Variants in CDYL observed in about 807,000 individuals in gnomAD.
CDYL encodes chromodomain Y like, also known as chromodomain Y-like protein.
A neutral mutation model predicts 47.3 loss-of-function variants in CDYL; 8 were observed. That is an observed-to-expected ratio of 0.17 (90% CI 0.10 to 0.31). The LOEUF (loss-of-function observed/expected upper bound fraction) is 0.31. Among genes scored for constraint, CDYL ranks in the 10% least tolerant of loss-of-function variants. The probability of loss-of-function intolerance (pLI) is 1.00; values close to 1 mark genes in which losing one functional copy is unlikely to be tolerated. For synonymous variants in CDYL, 266 were observed against 265.0 expected (o/e 1.00, Z -0.04); for missense variants, 471 against 701.4 (o/e 0.67, Z 3.71).
intron 2 of CDYL, chr6:4,734,648 A>AGTTAGGG: frequency 7.2e-7 from 1 of 1,387,824 alleles, no homozygotes; most frequent in Non-Finnish European, 9.8e-7. Flanking sequence ...CTCCTAATTC[A>AGTTAGGG]GGAAGGGGAG....
chr6:4,841,045 C>CT (rs921465683), intron 1 of CDYL, among the ~76,000 whole-genome samples: 5 of 151,728 alleles, frequency 3.3e-5, no homozygotes, highest in Admixed American at 1.3e-4. Context: ...AGGTCCTGGA[C>CT]TTTTTTTTGT....
chr6:4,905,477 C>T (rs2127496792), intron 2 of CDYL, among the ~76,000 whole-genome samples: 1 of 152,290 alleles, frequency 6.6e-6, no homozygotes, highest in Non-Finnish European at 1.5e-5. Flanking sequence ...AGCGTCTTTT[C>T]TGAAGTGGCA....
At chr6:4,909,245 A>C (rs1284674269) in intron 2 of CDYL, among the ~76,000 whole-genome samples, 2 of 152,222 alleles carry the variant, frequency 1.3e-5, no homozygotes, top group Non-Finnish European at 2.9e-5. Flanking sequence ...TATTGTAAAC[A>C]CTAGGGTAAT....
intron 2 of CDYL, among the ~76,000 whole-genome samples, chr6:4,718,900 T>C (rs997344122): frequency 4.1e-5 from 6 of 147,376 alleles, no homozygotes; most frequent in African/African-American, 1.6e-4. Flanking sequence ...GACATTCAGG[T>C]TATTTCCACT....
chr6:4,912,107 C>T (rs1338636493), intron 2 of CDYL, among the ~76,000 whole-genome samples: 1 of 152,170 alleles, frequency 6.6e-6, no homozygotes, highest in African/African-American at 2.4e-5. Context: ...CTCTAAACAG[C>T]GCTAAACAGT....
intron 1 of CDYL, among the ~76,000 whole-genome samples, chr6:4,799,006 T>C (rs949674895): frequency 4.6e-5 from 7 of 152,362 alleles, no homozygotes; most frequent in African/African-American, 1.7e-4. Context: ...TTTTCTGTTT[T>C]GGTTTCTTAA....
At chr6:4,708,458 C>T (rs1057006107) in intron 1 of CDYL, among the ~76,000 whole-genome samples, 1 of 152,064 alleles carries the variant, frequency 6.6e-6, no homozygotes, top group African/African-American at 2.4e-5. Flanking sequence ...CCACACCTGG[C>T]CATATATTTT....
At chr6:4,835,040 T>A (rs1760257048) in intron 1 of CDYL, among the ~76,000 whole-genome samples, 1 of 152,096 alleles carries the variant, frequency 6.6e-6, no homozygotes, top group African/African-American at 2.4e-5. Context: ...TAGCTCGTAG[T>A]TTGATCGTCT....
chr6:4,844,697 G>T (rs1760602275), intron 1 of CDYL, among the ~76,000 whole-genome samples: 1 of 151,992 alleles, frequency 6.6e-6, no homozygotes, highest in African/African-American at 2.4e-5. Context: ...GTTGACATTT[G>T]GATTTTATTC....
In CDYL at chr6:4,948,865, C is replaced by T. The variant is rs747877193; in HGVS notation, c.1333-3401C>T. Among the ~76,000 whole-genome samples, 8 of 152,234 alleles carry T rather than the reference C, an allele frequency of 5.3e-5. No homozygotes were observed. In the East Asian group the frequency reaches 1.2e-3, roughly 22 times the overall value. Reference sequence around the variant, plus strand: ...TGAATAAACGTTGTTCAGATGACTTCGACAACTCTTGTTGAAAGTGACTAT... The same window carrying T: ...TGAATAAACGTTGTTCAGATGACTTTGACAACTCTTGTTGAAAGTGACTAT... On this transcript the variant is annotated intron_variant, in intron 5 of 6. Transcript: ENST00000397588.
At chr6:4,918,860 A>G (rs1364382251) in intron 2 of CDYL, among the ~76,000 whole-genome samples, 1 of 152,186 alleles carries the variant, frequency 6.6e-6, no homozygotes, top group Non-Finnish European at 1.5e-5. Context: ...TGCTTTTCTG[A>G]TTTAGGAGTC....
intron 3 of CDYL, among the ~76,000 whole-genome samples, chr6:4,743,985 G>A (rs1289638912): frequency 6.6e-6 from 1 of 152,140 alleles, no homozygotes; most frequent in Non-Finnish European, 1.5e-5. Flanking sequence ...TTCTCAAGTT[G>A]GAACAGGATT....
In CDYL at chr6:4,953,907, G is replaced by A; in HGVS notation, c.1486G>A (p.Glu496Lys). The part of the protein sequence containing the change: ...LASCNPVVLE[E>K]SKALVRCNMK... ...TTGTTTTCCGGTGCAGGTGCTTGAG[G>A]AATCCAAAGCCCTCGTGCGCTGCAA... The change falls in exon 7 of 7, where the codon GAA becomes AAA. Residue 496 changes from glutamate to lysine, a missense_variant. Glu to Lys is a moderately conservative substitution (Grantham distance 56, BLOSUM62 1). Coordinates refer to ENST00000397588, the MANE Select transcript of CDYL (RefSeq NM_004824.4). 1 of 1,611,684 alleles carries A rather than the reference G, an allele frequency of 6.2e-7. No homozygotes were observed. Among genetic ancestry groups the A allele is most frequent in the Non-Finnish European group, 8.5e-7 (1 of 1,178,980 alleles).
Position 4,935,552 on chromosome 6 carries a change from G to A in CDYL, c.729G>A (p.Gly243=). The change falls in exon 3 of 7, where the codon GGG becomes GGA. Residue 243 remains glycine, a synonymous_variant. Coordinates refer to ENST00000397588, the MANE Select transcript of CDYL (RefSeq NM_004824.4). ...SPFMDALTAN[G]TTNIQTSVTG... Reference sequence around the variant, plus strand: ...TCATGGATGCATTAACAGCCAATGGGACAACCAACATACAGACATCTGTTA... The same window carrying A: ...TCATGGATGCATTAACAGCCAATGGAACAACCAACATACAGACATCTGTTA... The A allele has an allele frequency of 6.2e-7, 1 of 1,614,192 alleles. No homozygotes were observed. Among genetic ancestry groups the A allele is most frequent in the South Asian group, 1.1e-5 (1 of 91,082 alleles).
chr6:4,909,968 T>A (rs529649407), intron 2 of CDYL, among the ~76,000 whole-genome samples: 1 of 152,242 alleles, frequency 6.6e-6, no homozygotes, highest in African/African-American at 2.4e-5. Flanking sequence ...CTCCACTTTC[T>A]GGAATTGGCC....
At chr6:4,783,824 C>T (rs187664734) in intron 1 of CDYL, among the ~76,000 whole-genome samples, 7 of 152,090 alleles carry the variant, frequency 4.6e-5, no homozygotes, top group Non-Finnish European at 7.4e-5. Flanking sequence ...TTGTTTAATA[C>T]GACAATGTAT....
Position 4,706,662 on chromosome 6 carries a change from G to A in CDYL, c.-39+411G>A, listed in dbSNP as rs192600886. On this transcript the variant is annotated intron_variant, in intron 1 of 8. Transcript: ENST00000328908. ...AAATTAGCCAGGTGTGGTGGTGCGC[G>A]CCTGTAATTCCAGTTACTCTGGAGG... is the stretch of plus-strand genomic sequence containing the variant. 1.6e-4 allele frequency among the ~76,000 whole-genome samples: 24 copies of A among 152,178 alleles called. 1 individual carries two copies. The South Asian group carries it at 2.7e-3, about 17-fold the overall frequency.
At chr6:4,783,664 G>A (rs577974613) in intron 1 of CDYL, among the ~76,000 whole-genome samples, 9 of 152,042 alleles carry the variant, frequency 5.9e-5, no homozygotes, top group South Asian at 4.1e-4. Context: ...TGATCCACCC[G>A]CCTCAGCCTC....
At chr6:4,747,301 C>T (rs1361130100) in intron 3 of CDYL, among the ~76,000 whole-genome samples, 4 of 61,480 alleles carry the variant, frequency 6.5e-5, no homozygotes, top group African/African-American at 2.2e-4. Flanking sequence ...AGCATGACTT[C>T]ATCTCAAAAA....
Sources: allele counts gnomAD v4.1 joint callset (sites outside exome capture counted in the v4.1 genomes callset), GRCh38; gene constraint gnomAD v4.1.1; transcripts MANE v1.5; gene names NCBI Gene and HGNC (gene_info 2026-07-23, HGNC 2026-07-21).